Variants in ZFYVE28 observed in about 807,000 individuals in gnomAD.
ZFYVE28 encodes the protein zinc finger FYVE-type containing 28, also known as lateral signaling target protein 2 homolog.
Under a neutral mutation model 82.1 loss-of-function variants are expected in ZFYVE28, and 40 were observed. The observed-to-expected ratio is 0.49, with a 90% confidence interval of 0.38 to 0.63. ZFYVE28 has a LOEUF of 0.63. ZFYVE28 is among the 30% of genes least tolerant of loss of function. The pLI is 0.00. For synonymous variants in ZFYVE28, 612 were observed against 546.1 expected, an observed-to-expected ratio of 1.12 and a Z score of -1.68; for missense variants, 1,321 against 1,242.1, an observed-to-expected ratio of 1.06 and a Z score of -0.96.
intron 1 of ZFYVE28, among the ~76,000 whole-genome samples, chr4:2,388,058 C>A (rs1430901865): frequency 6.6e-6 from 1 of 152,210 alleles, no homozygotes; most frequent in African/African-American, 2.4e-5. Flanking sequence ...TCTGCAGGAA[C>A]CCACTGAGCA....
intron 8 of ZFYVE28, among the ~76,000 whole-genome samples, chr4:2,280,917 C>A (rs933454705): frequency 1.3e-5 from 2 of 152,172 alleles, no homozygotes; most frequent in African/African-American, 2.4e-5. Context: ...AGGGGAAGGG[C>A]CCTGACGTTC....
Position 2,300,828 on chromosome 4 carries a change from C to G in ZFYVE28, c.2051+3461G>C, listed in dbSNP as rs1473664185. On this transcript the variant is annotated intron_variant, in intron 8 of 12. Transcript: ENST00000290974. The surrounding 1 kb of genome is among the most constrained non-coding windows in gnomAD (Gnocchi z 4.6). ...GTGCCCACTGTTCCCTCTGAACCGT[C>G]CACGCCACAACCACAGGGGCTGCAG... Among the ~76,000 whole-genome samples, 2 of 152,164 alleles carry G rather than the reference C, an allele frequency of 1.3e-5. No individual in the cohort carries two copies. The highest frequency in any genetic ancestry group is 2.9e-5 in the Non-Finnish European group (2 of 68,020).
In ZFYVE28 at chr4:2,396,773, A is replaced by C. The variant is rs6835983; in HGVS notation, c.39+21512T>G. Among the ~76,000 whole-genome samples, 16 of 61,290 alleles carry C rather than the reference A, an allele frequency of 2.6e-4. 4 individuals are homozygous for C. The highest frequency in any genetic ancestry group is 2.8e-3 in the East Asian group (2 of 702). The allele number at this position is 61,290 out of a possible 152,430, so 40.2% of individuals were successfully genotyped here. A position where few individuals can be genotyped will look rare whatever the true frequency, so the allele number is the denominator to read the frequency against. ...TGGGACCAGCCATCCTGCAGAGGGG[A>C]CCCAAGGCGGGGTGTCTGGGAAGCC... On this transcript the variant is annotated intron_variant, in intron 1 of 12. Transcript: ENST00000290974.
intron 1 of ZFYVE28, among the ~76,000 whole-genome samples, chr4:2,402,262 T>C (rs1169865825): frequency 1.3e-5 from 2 of 152,084 alleles, no homozygotes; most frequent in East Asian, 3.9e-4. Context: ...GCGGGGCCCC[T>C]CCTCCCCAAC....
In ZFYVE28 at chr4:2,305,345, G is replaced by T; in HGVS notation, c.995C>A (p.Ala332Asp). ...CTGGTCGTCGTACTGCATGGAGCAG[G>T]CCAGCTCTGCATCCGGGTCTTTGGC... is the stretch of plus-strand genomic sequence containing the variant. ...AKAKDPDAEL[A>D]CSMQYDDQEL... is the part of the protein sequence containing the mutation. Residue 332 changes from alanine to aspartate, a missense_variant, in exon 8 of 13, where the codon GCC (alanine) becomes GAC (aspartate). Around this residue, in one of 2 missense-constraint regions of ZFYVE28, gnomAD observed 978 missense variants for 833.7 expected, o/e 1.17. Transcript: ENST00000290974. 1 of 1,612,926 alleles carries T rather than the reference G, an allele frequency of 6.2e-7. No individual in the cohort carries two copies. The highest frequency in any genetic ancestry group is 8.5e-7 in the Non-Finnish European group (1 of 1,179,850).
chr4:2,358,484 G>A lies in ZFYVE28; in HGVS notation c.40-4411C>T, dbSNP rs549858426. Among the ~76,000 whole-genome samples, 13 of 152,300 alleles carry A rather than the reference G, an allele frequency of 8.5e-5. No homozygotes were observed. In the South Asian group the frequency reaches 1.9e-3, roughly 22 times the overall value. On this transcript the variant is annotated intron_variant, in intron 1 of 12. Transcript: ENST00000290974. ...CCTCCTGGCCCTGCCTCCAGTTAGC[G>A]GGGATGCTTGGTGCCCTGCAGGGAA...
chr4:2,401,333 C>T (rs1015968192), intron 1 of ZFYVE28, among the ~76,000 whole-genome samples: 1 of 152,124 alleles, frequency 6.6e-6, no homozygotes, highest in South Asian at 2.1e-4. Flanking sequence ...GTTACAGGGG[C>T]AGGGAAGCAC....
At chr4:2,279,784 A>G (rs2108802596) in intron 8 of ZFYVE28, among the ~76,000 whole-genome samples, 1 of 152,254 alleles carries the variant, frequency 6.6e-6, no homozygotes, top group East Asian at 1.9e-4. Flanking sequence ...CTTCAAAAAA[A>G]AAAAAAAAAA....
chr4:2,387,276 C>G (rs1285036008), intron 1 of ZFYVE28, among the ~76,000 whole-genome samples: 3 of 152,252 alleles, frequency 2.0e-5, no homozygotes, highest in Non-Finnish European at 4.4e-5. Context: ...ATCCCCTCAG[C>G]CAGGGCCACC....
rs1197148529 is a variant in ZFYVE28, at chr4:2,355,250, AT to A, written c.40-1178del. Reference sequence around the variant, plus strand: ...TATATATATATATATATATATATATATATATATATATATATATATATAATGA... The same window carrying A: ...TATATATATATATATATATATATATAATATATATATATATATATATAATGA... On this transcript the variant is annotated intron_variant, in intron 1 of 12. Coordinates refer to ENST00000290974, the MANE Select transcript of ZFYVE28 (RefSeq NM_020972.3). Among the ~76,000 whole-genome samples the A allele has an allele frequency of 3.0e-3, 62 of 20,506 alleles. 9 individuals carry two copies. Among genetic ancestry groups the A allele is most frequent in the African/African-American group, 7.8e-3 (26 of 3,346 alleles). 13.5% of individuals were successfully genotyped at this position (20,506 alleles called of 152,430 possible).
chr4:2,355,079 C>T (rs550848724), intron 1 of ZFYVE28, among the ~76,000 whole-genome samples: 4 of 151,110 alleles, frequency 2.6e-5, no homozygotes, highest in South Asian at 4.2e-4. Context: ...GCACACAGCA[C>T]GGCCACCGTC....
At chr4:2,273,052 T>C (rs1371523827) in intron 10 of ZFYVE28, 121 bp downstream of exon 10, 1 of 788,402 alleles carries the variant, frequency 1.3e-6, no homozygotes, top group East Asian at 2.6e-5. Context: ...GGTCGACGAT[T>C]GCTTGGTCGG....
chr4:2,418,188 C>G lies in ZFYVE28; in HGVS notation c.39+97G>C. 1 of 1,210,906 alleles carries G rather than the reference C, an allele frequency of 8.3e-7. No individual in the cohort carries two copies. Among genetic ancestry groups the G allele is most frequent in the Non-Finnish European group, 1.1e-6 (1 of 897,260 alleles). 75.0% of individuals were successfully genotyped at this position (1,210,906 alleles called of 1,614,324 possible). ...GGTGGGGGAAGAGGCCGGCCACGGA[C>G]AGGGAAAGGGAGTCCGTCTTGTAGG... On this transcript the variant is annotated intron_variant, in intron 1 of 12. Transcript: ENST00000290974. This position sits in a 1 kb window ranked among gnomAD's most constrained non-coding sequence, Gnocchi z 4.6.
In ZFYVE28 at chr4:2,300,345, C is replaced by A. The variant is rs1715321238; in HGVS notation, c.2051+3944G>T. On this transcript the variant is annotated intron_variant, in intron 8 of 12. Coordinates refer to ENST00000290974, the MANE Select transcript of ZFYVE28 (RefSeq NM_020972.3). This position sits in a 1 kb window ranked among gnomAD's most constrained non-coding sequence, Gnocchi z 4.6. ...TAAGGCTAGCTGAAGGGAAAATAAG[C>A]TTTTAAAAAATGTCAACTTCTCCAA... 6.6e-6 allele frequency among the ~76,000 whole-genome samples: 1 copy of A among 152,158 alleles called. No homozygotes were observed. Among genetic ancestry groups the A allele is most frequent in the Non-Finnish European group, 1.5e-5 (1 of 68,018 alleles).
chr4:2,292,012 A>G (rs1713792043), intron 8 of ZFYVE28, among the ~76,000 whole-genome samples: 1 of 152,176 alleles, frequency 6.6e-6, no homozygotes, highest in African/African-American at 2.4e-5. Flanking sequence ...TCCAGCCCTC[A>G]GTGCCACCTC....
Position 2,344,369 on chromosome 4 carries a change from A to G in ZFYVE28, c.181-2754T>C, listed in dbSNP as rs561220182. ...GGCTAGAGTAGCAGGAGCACTCACAATTCACAAAGTATTGAGTAGAGTACC... is the reference window on the plus strand; with the variant it reads ...GGCTAGAGTAGCAGGAGCACTCACAGTTCACAAAGTATTGAGTAGAGTACC... On this transcript the variant is annotated intron_variant, in intron 2 of 12. Transcript: ENST00000290974. Among the ~76,000 whole-genome samples, 8 of 152,322 alleles carry G rather than the reference A, an allele frequency of 5.3e-5. No individual in the cohort carries two copies. In the East Asian group the frequency reaches 1.5e-3, roughly 29 times the overall value.
chr4:2,392,704 C>T (rs1370125025), intron 1 of ZFYVE28, among the ~76,000 whole-genome samples: 1 of 152,192 alleles, frequency 6.6e-6, no homozygotes, highest in African/African-American at 2.4e-5. Context: ...TCCTTTCTTA[C>T]TGTCACCCAA....
intron 7 of ZFYVE28, among the ~76,000 whole-genome samples, chr4:2,317,335 G>C (rs1456376163): frequency 6.6e-6 from 1 of 152,194 alleles, no homozygotes; most frequent in Admixed American, 6.5e-5. Context: ...GGATATAAAA[G>C]AATCATAAAG....
intron 1 of ZFYVE28, among the ~76,000 whole-genome samples, chr4:2,390,766 A>G (rs1473549746): frequency 1.3e-5 from 2 of 152,164 alleles, no homozygotes; most frequent in Non-Finnish European, 2.9e-5. Context: ...GCATTTTTAG[A>G]CGTTACTACC....
Sources: gnomAD v4.1 joint callset for allele counts (sites outside exome capture counted in the v4.1 genomes callset) on GRCh38, gnomAD v4.1.1 for gene constraint, gnomAD v4.1.1 regional missense constraint, Gnocchi (gnomAD v3.1) non-coding constraint, MANE v1.5 for transcripts, NCBI Gene and HGNC (gene_info 2026-07-23, HGNC 2026-07-21) for gene names.